Variants in HPGDS observed in about 807,000 individuals in gnomAD.
HPGDS encodes the protein GST class-sigma.
Under a neutral mutation model 23.1 loss-of-function variants are expected in HPGDS, and 26 were observed. That is an observed-to-expected ratio of 1.13 (90% CI 0.83 to 1.56). The LOEUF is 1.56. Among genes scored for constraint, HPGDS ranks in the 40% most tolerant of loss-of-function variants. The probability of loss-of-function intolerance (pLI) is 0.00; values close to 1 mark genes in which losing one functional copy is unlikely to be tolerated. For missense variants in HPGDS, 268 were observed against 236.4 expected (o/e 1.13, Z -0.88); for synonymous variants, 95 against 77.9 (o/e 1.22, Z -1.16).
At chr4:94,320,161 C>T (rs572542681) in intron 2 of HPGDS, among the ~76,000 whole-genome samples, 91 of 152,240 alleles carry the variant, frequency 6.0e-4, no homozygotes, top group Non-Finnish European at 9.0e-4. Context: ...CTGTCTAACA[C>T]TGATGGACAT....
chr4:94,340,285 C>A (rs556913348), intron 1 of HPGDS, among the ~76,000 whole-genome samples: 1,189 of 45,226 alleles, frequency 0.026, 31 homozygotes, highest in African/African-American at 0.07. Flanking sequence ...TTCTTTCTTT[C>A]TTTCTTTCTT....
intron 3 of HPGDS, among the ~76,000 whole-genome samples, chr4:94,317,255 T>A (rs535216936): frequency 2.2e-4 from 33 of 152,086 alleles, no homozygotes; most frequent in Middle Eastern, 3.4e-3. Context: ...GTGAGAATAG[T>A]TTGAGGGAAG....
chr4:94,299,474 G>A lies in HPGDS; in HGVS notation c.*6C>T, dbSNP rs1383954423. 6.2e-7 allele frequency: 1 copy of A among 1,603,956 alleles called. No individual in the cohort carries two copies. Among genetic ancestry groups the A allele is most frequent in the Non-Finnish European group, 8.5e-7 (1 of 1,173,442 alleles). ...GAAAAACAAACTTGAAGGCAACATG[G>A]ATCAGCTAGAGTTTGGTTTGGGGCC... On this transcript the variant is annotated 3_prime_UTR_variant, in exon 6 of 6. Transcript: ENST00000295256.
intron 4 of HPGDS, among the ~76,000 whole-genome samples, chr4:94,304,710 G>T (rs572328234): frequency 6.6e-6 from 1 of 152,164 alleles, no homozygotes; most frequent in East Asian, 1.9e-4. Flanking sequence ...TTCTGCCTTT[G>T]TATGATTTAA....
At chr4:94,340,849 C>CT (rs1423281964) in intron 1 of HPGDS, among the ~76,000 whole-genome samples, 56 of 113,600 alleles carry the variant, frequency 4.9e-4, no homozygotes, top group Admixed American at 1.5e-3. Context: ...TTTTTTCTTT[C>CT]TTTTTTTTTT....
intron 1 of HPGDS, among the ~76,000 whole-genome samples, chr4:94,340,311 C>CTTTCTTTTTCTTTTCTTTTT: frequency 2.1e-4 from 5 of 23,678 alleles, no homozygotes; most frequent in Admixed American, 6.1e-4. Flanking sequence ...CTTTCTTTCT[C>CTTTCTTTTTCTTTTCTTTTT]TTTTTTTTTT....
At chr4:94,340,311 C>CTTTTTTTTTTTTTT (rs869240610) in intron 1 of HPGDS, among the ~76,000 whole-genome samples, 4 of 23,684 alleles carry the variant, frequency 1.7e-4, no homozygotes, top group Admixed American at 6.1e-4. Context: ...CTTTCTTTCT[C>CTTTTTTTTTTTTTT]TTTTTTTTTT....
intron 2 of HPGDS, among the ~76,000 whole-genome samples, chr4:94,333,520 C>A (rs918891643): frequency 1.3e-5 from 2 of 152,184 alleles, no homozygotes; most frequent in Non-Finnish European, 1.5e-5. Flanking sequence ...AATCATGATA[C>A]CCACTTGGGG....
At chr4:94,310,975 C>T (rs1375169256) in intron 3 of HPGDS, among the ~76,000 whole-genome samples, 2 of 152,014 alleles carry the variant, frequency 1.3e-5, no homozygotes, top group Admixed American at 6.6e-5. Context: ...GTGATTTTTG[C>T]ACATTGATTT....
intron 3 of HPGDS, among the ~76,000 whole-genome samples, chr4:94,315,490 T>G (rs377034363): frequency 6.6e-6 from 1 of 152,202 alleles, no homozygotes; most frequent in Non-Finnish European, 1.5e-5. Flanking sequence ...AGAGGGTTTT[T>G]TTTCTTTTGT....
intron 1 of HPGDS, among the ~76,000 whole-genome samples, chr4:94,340,288 TCTTTCTTTCTTTCTTTCTTTC>T (rs1721114204): frequency 1.4e-5 from 1 of 70,826 alleles, no homozygotes; most frequent in Non-Finnish European, 3.1e-5. Flanking sequence ...TTTCTTTCTT[TCTTTCTTTCTTTCTTTCTTTC>T]TCTTTTTTTT....
chr4:94,305,814 T>C (rs754762668), intron 4 of HPGDS, among the ~76,000 whole-genome samples: 48 of 152,094 alleles, frequency 3.2e-4, no homozygotes, highest in Non-Finnish European at 5.6e-4. Context: ...AAGGAATGCT[T>C]AAATTAGTTA....
In HPGDS at chr4:94,326,584, A is replaced by G. The variant is rs1356123006; in HGVS notation, c.133+7913T>C. ...TTTTTTTATAATATCTATCTGTTAT[A>G]TTGAATTTCTCATTCAGATCATTGT... On this transcript the variant is annotated intron_variant, in intron 2 of 5. Transcript: ENST00000295256. Among the ~76,000 whole-genome samples, 4 of 152,074 alleles carry G rather than the reference A, an allele frequency of 2.6e-5. No homozygotes were observed. The East Asian group carries it at 7.7e-4, about 29-fold the overall frequency.
At chr4:94,335,632 A>C (rs1302572742) in intron 1 of HPGDS, among the ~76,000 whole-genome samples, 5 of 152,202 alleles carry the variant, frequency 3.3e-5, no homozygotes, top group Admixed American at 3.3e-4. Flanking sequence ...AATACATATA[A>C]GGTACGTAGC....
chr4:94,341,084 G>A (rs914160331), intron 1 of HPGDS, among the ~76,000 whole-genome samples: 27 of 151,442 alleles, frequency 1.8e-4, no homozygotes, highest in Non-Finnish European at 3.1e-4. Context: ...TGATCCGCCA[G>A]CCTCGGCCTC....
At chr4:94,326,632 C>T (rs1240339838) in intron 2 of HPGDS, among the ~76,000 whole-genome samples, 1 of 152,000 alleles carries the variant, frequency 6.6e-6, no homozygotes, top group Non-Finnish European at 1.5e-5. Flanking sequence ...TTTGTATTAT[C>T]TGTATTCTTT....
intron 3 of HPGDS, among the ~76,000 whole-genome samples, chr4:94,316,172 A>C (rs562042020): frequency 6.6e-6 from 1 of 152,304 alleles, no homozygotes; most frequent in African/African-American, 2.4e-5. Flanking sequence ...GCAGACATTG[A>C]GGAGGGTATT....
At chr4:94,340,372 T>C (rs904144433) in intron 1 of HPGDS, among the ~76,000 whole-genome samples, 1 of 122,530 alleles carries the variant, frequency 8.2e-6, no homozygotes, top group Non-Finnish European at 1.7e-5. Context: ...GGAGTCTCTC[T>C]CTGTCGCCCA....
intron 3 of HPGDS, among the ~76,000 whole-genome samples, chr4:94,313,426 G>T (rs1182922881): frequency 6.6e-6 from 1 of 151,538 alleles, no homozygotes; most frequent in Non-Finnish European, 1.5e-5. Context: ...TGAAATTCTG[G>T]GTTGAAAATT....
Sources: allele counts gnomAD v4.1 joint callset (sites outside exome capture counted in the v4.1 genomes callset), GRCh38; gene constraint gnomAD v4.1.1; transcripts MANE v1.5; gene names NCBI Gene and HGNC (gene_info 2026-07-23, HGNC 2026-07-21).